BRF1: variants seen among roughly 807,000 people sequenced by gnomAD.
The protein encoded by BRF1 is transcription factor IIIB 90 kDa subunit.
In BRF1, 59 loss-of-function variants were observed where a neutral mutation model predicts 81.7. That is an observed-to-expected ratio of 0.72 (90% CI 0.59 to 0.90). BRF1 has a LOEUF of 0.90. Ranked by LOEUF, BRF1 falls within the 40% of genes least tolerant of loss-of-function variation. The pLI is 0.00. For synonymous variants in BRF1, 491 were observed against 395.6 expected (o/e 1.24, Z -2.86); for missense variants, 1,050 against 936.3 (o/e 1.12, Z -1.58).
chr14:105,256,491 G>GA (rs1566841987), intron 4 of BRF1, 27 bp downstream of exon 4: 1 of 1,614,162 alleles, frequency 6.2e-7, no homozygotes, highest in Admixed American at 1.7e-5. Flanking sequence ...CCCAGGTGGG[G>GA]AAAGATGCAG....
chr14:105,244,260 T>C (rs1003387210), intron 5 of BRF1, among the ~76,000 whole-genome samples: 17 of 151,668 alleles, frequency 1.1e-4, no homozygotes, highest in African/African-American at 3.6e-4. Context: ...CTAGGCAATA[T>C]AGTGAGACCC....
At chr14:105,219,123 C>A (rs1595269230) in intron 13 of BRF1, 28 bp downstream of exon 13, 5 of 1,612,898 alleles carry the variant, frequency 3.1e-6, no homozygotes, top group Admixed American at 1.7e-5. Context: ...GTGCGTCCTG[C>A]GTGTGAGTGT....
At chr14:105,219,634 T>G in intron 12 of BRF1, 1 of 399,464 alleles carries the variant, frequency 2.5e-6, no homozygotes, top group Non-Finnish European at 4.5e-6. Flanking sequence ...GGAAGACGAC[T>G]TCCTGCCTGA....
intron 5 of BRF1, among the ~76,000 whole-genome samples, chr14:105,245,549 C>T (rs1294042889): frequency 6.6e-6 from 1 of 151,536 alleles, no homozygotes; most frequent in African/African-American, 2.4e-5. Context: ...GACATAAAGA[C>T]AGACCTACAG....
At chr14:105,268,415 G>T (rs892194198) in intron 3 of BRF1, among the ~76,000 whole-genome samples, 1 of 152,234 alleles carries the variant, frequency 6.6e-6, no homozygotes, top group African/African-American at 2.4e-5. Context: ...GTGGGACTCA[G>T]CAGCACCCCG....
In BRF1 at chr14:105,217,842, C is replaced by T. The variant is rs753417957; in HGVS notation, c.1516-42G>A. The stretch of plus-strand genomic sequence containing the variant: ...AAGAATGCCTCCCGTGAGTCACGCC[C>T]ACTGCACTCCACCATCAGGGGCTCC... On this transcript the variant is annotated intron_variant, in intron 14 of 17. Transcript: ENST00000547530. 4 of 1,594,460 alleles carry T rather than the reference C, an allele frequency of 2.5e-6. No homozygotes were observed. In the African/African-American group the frequency reaches 5.4e-5, roughly 21 times the overall value.
chr14:105,240,863 G>A (rs924064778), intron 6 of BRF1, among the ~76,000 whole-genome samples: 4 of 139,142 alleles, frequency 2.9e-5, no homozygotes, highest in Non-Finnish European at 4.7e-5. Context: ...AGCTGGGGGC[G>A]GGGGACAGCC....
intron 3 of BRF1, among the ~76,000 whole-genome samples, chr14:105,259,783 C>T (rs1448800685): frequency 6.6e-6 from 1 of 152,016 alleles, no homozygotes; most frequent in Non-Finnish European, 1.5e-5. Flanking sequence ...GGTGGCGTGC[C>T]CCTGTAGTCC....
chr14:105,226,868 G>T (rs1893186744), intron 7 of BRF1, 108 bp from the exon 8 acceptor site: 2 of 1,554,314 alleles, frequency 1.3e-6, no homozygotes, highest in African/African-American at 2.7e-5. Context: ...CAGTGCTTTG[G>T]GAGCCCAAGG....
intron 2 of BRF1, among the ~76,000 whole-genome samples, chr14:105,280,478 T>C (rs184521771): frequency 2.0e-4 from 30 of 152,334 alleles, no homozygotes; most frequent in African/African-American, 5.5e-4. Flanking sequence ...TCTAAACCCA[T>C]AGAACACGCA....
chr14:105,225,986 G>A (rs1303218044), intron 10 of BRF1, 83 bp downstream of exon 10: 6 of 1,340,390 alleles, frequency 4.5e-6, no homozygotes, highest in Non-Finnish European at 6.2e-6. Context: ...CCCTTTCCAG[G>A]TCTTTTTCTG....
Position 105,309,736 on chromosome 14 carries a change from CTA to C in BRF1, c.-162+5584_-162+5585del, listed in dbSNP as rs1491490834. ...TCACGACCTTAGGTCTGTATTAGGT[CTA>C]GATTAGCCTGCATTAAGGAGAAGGT... On this transcript the variant is annotated intron_variant, in intron 1 of 17. Coordinates refer to the BRF1 transcript ENST00000327359. The surrounding 1 kb of genome is among the most constrained non-coding windows in gnomAD (Gnocchi z 4.0). Among the ~76,000 whole-genome samples, 2 of 141,044 alleles carry C rather than the reference CTA, an allele frequency of 1.4e-5. No homozygotes were observed. The highest frequency in any genetic ancestry group is 5.3e-5 in the African/African-American group (2 of 37,680). 92.5% of individuals were successfully genotyped at this position (141,044 alleles called of 152,430 possible). A position where few individuals can be genotyped will look rare whatever the true frequency, so the allele number is the denominator to read the frequency against.
At chr14:105,216,835 G>A (rs1473882380) in intron 15 of BRF1, among the ~76,000 whole-genome samples, 3 of 152,166 alleles carry the variant, frequency 2.0e-5, no homozygotes, top group African/African-American at 7.2e-5. Flanking sequence ...TGGAGTGAAG[G>A]TCGGAACCAC....
chr14:105,304,618 G>C (rs587737095), upstream of BRF1, among the ~76,000 whole-genome samples: 26 of 152,332 alleles, frequency 1.7e-4, no homozygotes, highest in East Asian at 4.1e-3. Flanking sequence ...GCTATGGTCT[G>C]AATGTGCATT....
chr14:105,247,807 C>T (rs1333695689), intron 5 of BRF1: 1 of 985,500 alleles, frequency 1.0e-6, no homozygotes, highest in African/African-American at 1.7e-5. Context: ...TTGGCATGCA[C>T]CAGCTGTGCG....
Position 105,212,119 on chromosome 14 carries a change from C to T in BRF1, c.1818G>A (p.Thr606=), listed in dbSNP as rs754778045. ...VSTQPAKKVA[T]GEALLPSSPT... ...GCTGCGTGGGACAACACACCTCTCCCGTGGCCACCTTCTTTGCTGGCTGCG... is the reference window on the plus strand; with the variant it reads ...GCTGCGTGGGACAACACACCTCTCCTGTGGCCACCTTCTTTGCTGGCTGCG... The change falls in exon 16 of 18, where the codon ACG becomes ACA. Residue 606 remains threonine (T), a synonymous_variant. Transcript: ENST00000547530. 96 of 1,612,672 alleles carry T rather than the reference C, an allele frequency of 6.0e-5. No homozygotes were observed. The highest frequency in any genetic ancestry group is 6.7e-5 in the African/African-American group (5 of 74,940).
chr14:105,268,837 G>A (rs1015814486), intron 3 of BRF1, among the ~76,000 whole-genome samples: 13 of 152,194 alleles, frequency 8.5e-5, no homozygotes, highest in African/African-American at 2.9e-4. Context: ...GAGTCCAGAA[G>A]GTGACGGGAG....
intron 7 of BRF1, chr14:105,228,310 TG>T (rs751535696): frequency 2.0e-5 from 3 of 152,786 alleles, no homozygotes; most frequent in African/African-American, 4.8e-5. Flanking sequence ...CCCAGCACTT[TG>T]GGAGGCCAAG....
At chr14:105,228,468 C>T (rs587618907) in intron 7 of BRF1, among the ~76,000 whole-genome samples, 155 of 151,106 alleles carry the variant, frequency 1.0e-3, no homozygotes, top group South Asian at 2.5e-3. Flanking sequence ...CTCTTGGACC[C>T]GGGAGGCAGA....
Sources: gnomAD v4.1 joint callset for allele counts (sites outside exome capture counted in the v4.1 genomes callset) on GRCh38, gnomAD v4.1.1 for gene constraint, Gnocchi (gnomAD v3.1) non-coding constraint, MANE v1.5 for transcripts, NCBI Gene and HGNC (gene_info 2026-07-23, HGNC 2026-07-21) for gene names.